The following SEC22B variants were observed in gnomAD, a reference collection of about 807,000 sequenced individuals.
SEC22B encodes vesicle-trafficking protein SEC22b.
A neutral mutation model predicts 31.4 loss-of-function variants in SEC22B; 10 were observed. That is an observed-to-expected ratio of 0.32 (90% CI 0.20 to 0.54). The LOEUF (loss-of-function observed/expected upper bound fraction) is 0.54. SEC22B is among the 20% of genes least tolerant of loss of function. The pLI, the probability that SEC22B is intolerant of heterozygous loss-of-function variation, is 0.94. For missense variants in SEC22B, 130 were observed against 263.4 expected, an observed-to-expected ratio of 0.49 and a Z score of 3.50; for synonymous variants, 60 against 95.9, an observed-to-expected ratio of 0.63 and a Z score of 2.19.
Position 120,176,519 on chromosome 1 carries a change from G to A in SEC22B, c.-138C>T, listed in dbSNP as rs1165377228. ...GCTTGCGTCTCCGCTTCCCGCTGAGGTGGCCGGAAACAGCGCAAGAGCTTT... is the reference window on the plus strand; with the variant it reads ...GCTTGCGTCTCCGCTTCCCGCTGAGATGGCCGGAAACAGCGCAAGAGCTTT... On this transcript the variant is annotated 5_prime_UTR_variant, in exon 1 of 5. Coordinates refer to ENST00000578049, the MANE Select transcript of SEC22B (RefSeq NM_004892.6). 9 of 771,160 alleles carry A rather than the reference G, an allele frequency of 1.2e-5. No individual in the cohort carries two copies. Among genetic ancestry groups the A allele is most frequent in the African/African-American group, 1.7e-5 (1 of 57,922 alleles). The allele number at this position is 771,160 out of a possible 1,614,324, so 47.8% of individuals were successfully genotyped here. A position where few individuals can be genotyped will look rare whatever the true frequency, so the allele number is the denominator to read the frequency against.
chr1:120,175,465 A>G (rs1423390202), intron 1 of SEC22B, among the ~76,000 whole-genome samples: 2 of 149,622 alleles, frequency 1.3e-5, no homozygotes, highest in African/African-American at 5.0e-5. Context: ...GATCACTTTA[A>G]ACAAATTATA....
In SEC22B at chr1:120,154,115, G is replaced by A. The variant is rs1251401969; in HGVS notation, c.*2923C>T. Reference sequence around the variant, plus strand: ...ACTCTTTAACCCATATGGCAATCTGGCTTCTGTCTCCAGTGCTCTGGAATT... The same window carrying A: ...ACTCTTTAACCCATATGGCAATCTGACTTCTGTCTCCAGTGCTCTGGAATT... On this transcript the variant is annotated 3_prime_UTR_variant, in exon 5 of 5. Transcript: ENST00000578049. The A allele has an allele frequency of 6.6e-6, 1 of 151,676 alleles. No individual in the cohort carries two copies. The highest frequency in any genetic ancestry group is 2.4e-5 in the African/African-American group (1 of 41,254). The allele number at this position is 151,676 out of a possible 1,614,324, so 9.4% of individuals were successfully genotyped here.
intron 1 of SEC22B, among the ~76,000 whole-genome samples, chr1:120,170,438 A>G (rs1339128234): frequency 6.9e-6 from 1 of 145,598 alleles, no homozygotes; most frequent in South Asian, 2.2e-4. Context: ...AAAGTGGCAG[A>G]TCAGCAAATG....
At chr1:120,163,454 C>G (rs1427470837) in intron 2 of SEC22B, 84 bp from the exon 3 acceptor site, 7 of 931,358 alleles carry the variant, frequency 7.5e-6, no homozygotes, top group Non-Finnish European at 9.8e-6. Flanking sequence ...CTGTACCATG[C>G]AAACTTTTTA....
chr1:120,163,518 C>T (rs1312376891), intron 2 of SEC22B, 148 bp from the exon 3 acceptor site: 27 of 378,934 alleles, frequency 7.1e-5, no homozygotes, highest in Middle Eastern at 4.9e-4. Flanking sequence ...AATTTAAAAC[C>T]GCAAATCCTT....
intron 1 of SEC22B, among the ~76,000 whole-genome samples, chr1:120,169,685 C>T (rs1657866266): frequency 6.8e-6 from 1 of 147,716 alleles, no homozygotes; most frequent in Admixed American, 6.8e-5. Flanking sequence ...GGCAAATCTA[C>T]TGGAAAAACC....
chr1:120,160,337 TATGG>T (rs1657693494), intron 4 of SEC22B, 43 bp downstream of exon 4: 1 of 1,453,030 alleles, frequency 6.9e-7, no homozygotes. Context: ...TATCCTTGTC[TATGG>T]AATGAGAACC....
rs1276126605 is a variant in SEC22B at position 120,151,132 on chromosome 1, T to C, written c.*5906A>G. On this transcript the variant is annotated 3_prime_UTR_variant, in exon 5 of 5. Coordinates refer to ENST00000578049, the MANE Select transcript of SEC22B (RefSeq NM_004892.6). ...ACAACATGCAAACCATAGCAGCAGGTTTAAAGGTAAAAGGATGGGAGAAAA... is the reference window on the plus strand; with the variant it reads ...ACAACATGCAAACCATAGCAGCAGGCTTAAAGGTAAAAGGATGGGAGAAAA... 1.3e-5 allele frequency: 2 copies of C among 151,854 alleles called. No individual in the cohort carries two copies. Among genetic ancestry groups the C allele is most frequent in the African/African-American group, 4.8e-5 (2 of 41,298 alleles). The allele number at this position is 151,854 out of a possible 1,614,324, so 9.4% of individuals were successfully genotyped here. A position where few individuals can be genotyped will look rare whatever the true frequency, so the allele number is the denominator to read the frequency against.
intron 3 of SEC22B, among the ~76,000 whole-genome samples, chr1:120,160,896 AC>A (rs1332377804): frequency 1.5e-5 from 2 of 131,826 alleles, no homozygotes; most frequent in African/African-American, 4.0e-5. Flanking sequence ...TGTCTCAAAA[AC>A]AAAAAAAAAA....
At chr1:120,157,240 T>C (rs1657641504) in intron 4 of SEC22B, 48 bp from the exon 5 acceptor site, 7 of 1,270,760 alleles carry the variant, frequency 5.5e-6, no homozygotes, top group Non-Finnish European at 7.3e-6. Flanking sequence ...CTGGAAGTAT[T>C]TTACCGAAAG....
chr1:120,162,896 T>G (rs1173709180), intron 3 of SEC22B, among the ~76,000 whole-genome samples: 1 of 152,156 alleles, frequency 6.6e-6, no homozygotes, highest in African/African-American at 2.4e-5. Flanking sequence ...AGCCATTATA[T>G]GCCAATCAAG....
chr1:120,168,718 G>T (rs1421074744), intron 2 of SEC22B, 122 bp downstream of exon 2: 14 of 341,416 alleles, frequency 4.1e-5, no homozygotes, highest in Middle Eastern at 7.5e-4. Flanking sequence ...CAGAGAAGTT[G>T]CTCCTCCCAA....
chr1:120,165,327 C>A (rs1225815416), intron 2 of SEC22B, among the ~76,000 whole-genome samples: 1 of 152,096 alleles, frequency 6.6e-6, no homozygotes, highest in South Asian at 2.1e-4. Context: ...CAGGAGAACT[C>A]TGTAATCAAC....
Position 120,151,087 on chromosome 1 carries a change from A to G in SEC22B, c.*5951T>C, listed in dbSNP as rs199598486. On this transcript the variant is annotated 3_prime_UTR_variant, in exon 5 of 5. Coordinates refer to ENST00000578049, the MANE Select transcript of SEC22B (RefSeq NM_004892.6). ...ATTACATTGGCAATTGAACTACAAC[A>G]TGAGTTTTGGAGGGGCCAAACAACA... is the stretch of plus-strand genomic sequence containing the variant. The G allele has an allele frequency of 5.9e-5, 9 of 152,242 alleles. No individual in the cohort carries two copies. Among genetic ancestry groups the G allele is most frequent in the Non-Finnish European group, 1.2e-4 (8 of 68,044 alleles). The allele number at this position is 152,242 out of a possible 1,614,324, so 9.4% of individuals were successfully genotyped here. A position where few individuals can be genotyped will look rare whatever the true frequency, so the allele number is the denominator to read the frequency against.
rs1268858914 is a variant in SEC22B, at chr1:120,151,370, A to G, written c.*5668T>C. 1.3e-5 allele frequency: 2 copies of G among 152,294 alleles called. No homozygotes were observed. The highest frequency in any genetic ancestry group is 4.8e-5 in the African/African-American group (2 of 41,478). The allele number at this position is 152,294 out of a possible 1,614,324, so 9.4% of individuals were successfully genotyped here. A position where few individuals can be genotyped will look rare whatever the true frequency, so the allele number is the denominator to read the frequency against. ...TCTTTTATTCTAAAGAAAATGTAGT[A>G]TGATTAGCACACACACACACAAAAA... On this transcript the variant is annotated 3_prime_UTR_variant, in exon 5 of 5. Coordinates refer to ENST00000578049, the MANE Select transcript of SEC22B (RefSeq NM_004892.6).
intron 3 of SEC22B, among the ~76,000 whole-genome samples, chr1:120,162,682 T>C (rs1657738205): frequency 6.6e-6 from 1 of 152,246 alleles, no homozygotes; most frequent in South Asian, 2.1e-4. Flanking sequence ...ATGCTCACTA[T>C]TCCTGAATGT....
Position 120,160,536 on chromosome 1 carries a change from A to G in SEC22B, c.347-6T>C. 1.3e-6 allele frequency: 2 copies of G among 1,561,104 alleles called. No individual in the cohort carries two copies. The highest frequency in any genetic ancestry group is 2.4e-5 in the South Asian group (2 of 83,712). On this transcript the variant is annotated splice_polypyrimidine_tract_variant and splice_region_variant and intron_variant, in intron 3 of 4. Coordinates refer to ENST00000578049, the MANE Select transcript of SEC22B (RefSeq NM_004892.6). ...GGTTTTCTGAATGAAAGTATCTAGA[A>G]TGATGAAGAAAACTGACCATTTCTT...
intron 2 of SEC22B, among the ~76,000 whole-genome samples, chr1:120,164,819 T>C (rs1657781766): frequency 6.6e-6 from 1 of 152,014 alleles, no homozygotes; most frequent in Non-Finnish European, 1.5e-5. Context: ...CTGTTTTAAG[T>C]TCTTTGAAAA....
intron 1 of SEC22B, among the ~76,000 whole-genome samples, chr1:120,170,796 G>C (rs1166152987): frequency 6.7e-6 from 1 of 148,404 alleles, no homozygotes; most frequent in Non-Finnish European, 1.5e-5. Context: ...AGTGAATACT[G>C]TCATATGCTT....
Sources: allele counts gnomAD v4.1 joint callset (sites outside exome capture counted in the v4.1 genomes callset), GRCh38; gene constraint gnomAD v4.1.1; transcripts MANE v1.5; gene names NCBI Gene and HGNC (gene_info 2026-07-23, HGNC 2026-07-21).